FBLN1: variants seen among roughly 807,000 people sequenced by gnomAD.
The protein encoded by FBLN1 is fibulin-1.
FBLN1 carries 34 observed loss-of-function variants against 89.7 expected under a neutral mutation model. The observed-to-expected ratio is 0.38, with a 90% CI of 0.29 to 0.50. The LOEUF is 0.50. Ranked by LOEUF, FBLN1 falls within the 20% of genes least tolerant of loss-of-function variation. FBLN1 has a pLI of 0.92. For missense variants in FBLN1, 777 were observed against 988.1 expected (o/e 0.79, Z 2.86); for synonymous variants, 393 against 391.3 (o/e 1.00, Z -0.05).
chr22:45,548,772 C>G (rs1331939282), intron 13 of FBLN1, 28 bp downstream of exon 13: 1 of 1,610,986 alleles, frequency 6.2e-7, no homozygotes, highest in Admixed American at 1.7e-5. Flanking sequence ...CCTGGGGTCC[C>G]TCACGCTCTG....
At chr22:45,519,219 G>A (rs935591420) in intron 2 of FBLN1, among the ~76,000 whole-genome samples, 4 of 152,158 alleles carry the variant, frequency 2.6e-5, no homozygotes, top group African/African-American at 7.2e-5. Context: ...TCCACCAGCC[G>A]GTTTTTCAGC....
At position 45,574,748 on chromosome 22, in the gene FBLN1, G is replaced by T; in HGVS notation, c.1840+95G>T. 1 of 958,890 alleles carries T rather than the reference G, an allele frequency of 1.0e-6. No individual in the cohort carries two copies. The highest frequency in any genetic ancestry group is 1.6e-6 in the Non-Finnish European group (1 of 620,764). 59.4% of individuals were successfully genotyped at this position (958,890 alleles called of 1,614,324 possible). ...CTACAGGAGTTGTTCCTTGTAAGAT[G>T]TGGCCCAGGCTTTGAAATGCAGAAC... is the stretch of plus-strand genomic sequence containing the variant. On this transcript the variant is annotated intron_variant, in intron 15 of 16. Coordinates refer to ENST00000327858, the MANE Select transcript of FBLN1 (RefSeq NM_006486.3). This position sits in a 1 kb window ranked among gnomAD's most constrained non-coding sequence, Gnocchi z 4.1.
Position 45,543,394 on chromosome 22 carries a change from CT to C in FBLN1, c.1196-4del. The C allele has an allele frequency of 6.2e-7, 1 of 1,611,894 alleles. No homozygotes were observed. On this transcript the variant is annotated splice_polypyrimidine_tract_variant and splice_region_variant and intron_variant, in intron 10 of 16. Coordinates refer to ENST00000327858, the MANE Select transcript of FBLN1 (RefSeq NM_006486.3). ...TTGCCCTGAGTCAGCCCACCCCTCA[CT>C]TTCAGATGTCAACGAGTGCCAGCGC...
chr22:45,515,322 G>T (rs770447540), intron 1 of FBLN1, among the ~76,000 whole-genome samples: 2 of 152,202 alleles, frequency 1.3e-5, no homozygotes, highest in Non-Finnish European at 2.9e-5. Context: ...TAATGACGGG[G>T]TGAGCTCAGC....
In FBLN1 at chr22:45,530,806, C is replaced by T. The variant is rs2088395545; in HGVS notation, c.485-459C>T. 6.6e-6 allele frequency among the ~76,000 whole-genome samples: 1 copy of T among 152,040 alleles called. No individual in the cohort carries two copies. Among genetic ancestry groups the T allele is most frequent in the Admixed American group, 6.6e-5 (1 of 15,266 alleles). ...GAAACGGAGTCTCGCTCTTGTTGCC[C>T]AGGCTGGAGTGCAATGGTGTGATCT... On this transcript the variant is annotated intron_variant, in intron 4 of 16. Transcript: ENST00000327858. The surrounding 1 kb of genome is among the most constrained non-coding windows in gnomAD (Gnocchi z 5.4).
chr22:45,524,060 G>A (rs562919356), intron 2 of FBLN1, among the ~76,000 whole-genome samples: 2 of 152,364 alleles, frequency 1.3e-5, no homozygotes, highest in East Asian at 3.9e-4. Context: ...TGAGTGAAAT[G>A]TGTGCTAGCT....
rs904723639 is a variant in FBLN1, at chr22:45,588,073, G to A, written c.1972+10965G>A. 2.0e-5 allele frequency among the ~76,000 whole-genome samples: 3 copies of A among 152,206 alleles called. No homozygotes were observed. The highest frequency in any genetic ancestry group is 1.3e-4 in the Admixed American group (2 of 15,284). On this transcript the variant is annotated intron_variant, in intron 16 of 16. Transcript: ENST00000327858. This position sits in a 1 kb window ranked among gnomAD's most constrained non-coding sequence, Gnocchi z 5.1. Reference sequence around the variant, plus strand: ...TTTATCCCAGAGGGTAGGAGTACACGAGAAACAAGCATAATATATACACGG... The same window carrying A: ...TTTATCCCAGAGGGTAGGAGTACACAAGAAACAAGCATAATATATACACGG...
At position 45,547,141 on chromosome 22, in the gene FBLN1, T is replaced by G; in HGVS notation, c.1378T>G (p.Ser460Ala). Residue 460 changes from serine to alanine, a missense_variant, in exon 12 of 17, where the codon TCC (serine) becomes GCC (alanine). Transcript: ENST00000327858. Reference sequence around the variant, plus strand: ...CCAGGAGTGTGCCAACGTCTACGGCTCCTACCAGTGTTACTGCCGGCGAGG... The same window carrying G: ...CCAGGAGTGTGCCAACGTCTACGGCGCCTACCAGTGTTACTGCCGGCGAGG... ...CSQECANVYG[S>A]YQCYCRRGYQ... The G allele has an allele frequency of 6.2e-7, 1 of 1,614,080 alleles. No individual in the cohort carries two copies. Among genetic ancestry groups the G allele is most frequent in the African/African-American group, 1.3e-5 (1 of 75,028 alleles).
chr22:45,592,183 C>T (rs2089143882), intron 16 of FBLN1, among the ~76,000 whole-genome samples: 1 of 152,196 alleles, frequency 6.6e-6, no homozygotes, highest in Non-Finnish European at 1.5e-5. Flanking sequence ...TGTCTCATCC[C>T]TAACTGCGAT....
rs537155138 is a variant in FBLN1 at position 45,579,515 on chromosome 22, C to T, written c.1972+2407C>T. On this transcript the variant is annotated intron_variant, in intron 16 of 16. Coordinates refer to ENST00000327858, the MANE Select transcript of FBLN1 (RefSeq NM_006486.3). This position sits in a 1 kb window ranked among gnomAD's most constrained non-coding sequence, Gnocchi z 5.5. Reference sequence around the variant, plus strand: ...TGGTCTTTGGAATTCTGGGCTGGGGCTGCGTGGGGGAGGGCCCCAGCCTGG... The same window carrying T: ...TGGTCTTTGGAATTCTGGGCTGGGGTTGCGTGGGGGAGGGCCCCAGCCTGG... Among the ~76,000 whole-genome samples the T allele has an allele frequency of 1.1e-3, 169 of 152,340 alleles. No homozygotes were observed. Among genetic ancestry groups the T allele is most frequent in the African/African-American group, 3.9e-3 (164 of 41,590 alleles).
intron 14 of FBLN1, chr22:45,565,212 C>A (rs1009521314): frequency 4.0e-6 from 6 of 1,495,480 alleles, no homozygotes; most frequent in African/African-American, 1.4e-5. Context: ...AGTCTGGTTA[C>A]GATGGTCTGA....
At position 45,578,170 on chromosome 22, in the gene FBLN1, G is replaced by A. The variant is rs1374450189; in HGVS notation, c.1972+1062G>A. ...CAGTGCGCACAGAGCAGAGCGTTTTGGAGCCTGGCCTCCAGGTGGCGCTGT... is the reference window on the plus strand; with the variant it reads ...CAGTGCGCACAGAGCAGAGCGTTTTAGAGCCTGGCCTCCAGGTGGCGCTGT... On this transcript the variant is annotated intron_variant, in intron 16 of 16. Transcript: ENST00000327858. The surrounding 1 kb of genome is among the most constrained non-coding windows in gnomAD (Gnocchi z 4.6). The A allele has an allele frequency of 6.6e-6, 1 of 152,226 alleles. No homozygotes were observed. 9.4% of individuals were successfully genotyped at this position (152,226 alleles called of 1,614,324 possible).
intron 3 of FBLN1, 121 bp from the exon 4 acceptor site, chr22:45,527,726 A>G (rs1401307712): frequency 3.1e-6 from 3 of 982,692 alleles, no homozygotes; most frequent in African/African-American, 1.6e-5. Flanking sequence ...GCCAGACTTG[A>G]GTCATCACTC....
rs1225162293 is a variant in FBLN1 at position 45,575,194 on chromosome 22, G to A, written c.1840+541G>A. Among the ~76,000 whole-genome samples the A allele has an allele frequency of 1.3e-5, 2 of 152,108 alleles. No individual in the cohort carries two copies. The highest frequency in any genetic ancestry group is 1.5e-5 in the Non-Finnish European group (1 of 68,018). On this transcript the variant is annotated intron_variant, in intron 15 of 16. Transcript: ENST00000327858. This position sits in a 1 kb window ranked among gnomAD's most constrained non-coding sequence, Gnocchi z 6.3. ...CAGGTGGTCTTTTCTTATGGGTAACGGTTGTTCTGCAGAGAGCCATTAAGC... is the reference window on the plus strand; with the variant it reads ...CAGGTGGTCTTTTCTTATGGGTAACAGTTGTTCTGCAGAGAGCCATTAAGC...
rs1413809853 is a variant in FBLN1 at position 45,556,845 on chromosome 22, T to C, written c.1697+6230T>C. On this transcript the variant is annotated intron_variant, in intron 14 of 16. Coordinates refer to ENST00000327858, the MANE Select transcript of FBLN1 (RefSeq NM_006486.3). The surrounding 1 kb of genome is among the most constrained non-coding windows in gnomAD (Gnocchi z 4.6). ...ACCTCTAGGCCAGCAGAACGTAATGTTGCAGGAACAGGAAGCAAAAATTTT... is the reference window on the plus strand; with the variant it reads ...ACCTCTAGGCCAGCAGAACGTAATGCTGCAGGAACAGGAAGCAAAAATTTT... Among the ~76,000 whole-genome samples the C allele has an allele frequency of 6.6e-6, 1 of 152,184 alleles. No individual in the cohort carries two copies. Among genetic ancestry groups the C allele is most frequent in the Non-Finnish European group, 1.5e-5 (1 of 68,026 alleles).
intron 2 of FBLN1, chr22:45,523,304 G>T: frequency 1.7e-6 from 1 of 593,798 alleles, no homozygotes; most frequent in Non-Finnish European, 3.1e-6. Flanking sequence ...TGGCTGAGGG[G>T]GCCATGAGAT....
In FBLN1 at chr22:45,588,875, T is replaced by G. The variant is rs1351514410; in HGVS notation, c.1973-11432T>G. Among the ~76,000 whole-genome samples, 1 of 151,090 alleles carries G rather than the reference T, an allele frequency of 6.6e-6. No homozygotes were observed. The highest frequency in any genetic ancestry group is 1.5e-5 in the Non-Finnish European group (1 of 67,894). On this transcript the variant is annotated intron_variant, in intron 16 of 16. Coordinates refer to ENST00000327858, the MANE Select transcript of FBLN1 (RefSeq NM_006486.3). The surrounding 1 kb of genome is among the most constrained non-coding windows in gnomAD (Gnocchi z 5.1). ...TTTTGGCGGCCTCTCCTAACCGTCT[T>G]TAAATCTGCGAAAGGATCTCAGTGC...
intron 16 of FBLN1, among the ~76,000 whole-genome samples, chr22:45,589,186 A>G (rs932676918): frequency 2.0e-5 from 3 of 152,030 alleles, no homozygotes; most frequent in Non-Finnish European, 4.4e-5. Flanking sequence ...AACCCTGTAG[A>G]TCATTATTCC....
chr22:45,538,179 G>A (rs1005573425), intron 8 of FBLN1, among the ~76,000 whole-genome samples: 3 of 152,196 alleles, frequency 2.0e-5, no homozygotes, highest in Admixed American at 6.5e-5. Flanking sequence ...TGACAGCATC[G>A]AAAGCCAAAT....
Sources: allele counts gnomAD v4.1 joint callset (sites outside exome capture counted in the v4.1 genomes callset), GRCh38; gene constraint gnomAD v4.1.1; non-coding constraint Gnocchi (gnomAD v3.1); transcripts MANE v1.5; gene names NCBI Gene and HGNC (gene_info 2026-07-23, HGNC 2026-07-21).